OR14A2: variants seen among roughly 807,000 people sequenced by gnomAD.
OR14A2 encodes olfactory receptor family 14 subfamily A member 2, also known as olfactory receptor 14A2.
For missense variants in OR14A2, 237 were observed against 152.9 expected (o/e 1.55, Z -2.90); for synonymous variants, 114 against 58.6 (o/e 1.95, Z -4.32).
chr1:247,730,742 C>T, the OR14A2 span, among the ~76,000 whole-genome samples: 161 of 152,064 alleles, frequency 1.1e-3, no homozygotes, highest in Middle Eastern at 3.4e-3. Context: ...TATTTGAAGG[C>T]CTGGAAATGG....
the OR14A2 span, among the ~76,000 whole-genome samples, chr1:247,731,483 T>A: frequency 6.6e-6 from 1 of 152,102 alleles, no homozygotes. Flanking sequence ...CTGGTGTTTT[T>A]TAGCACCTTG....
At chr1:247,747,580 T>A in the OR14A2 span, among the ~76,000 whole-genome samples, 2 of 152,042 alleles carry the variant, frequency 1.3e-5, no homozygotes, top group Non-Finnish European at 2.9e-5. Context: ...GCCAGGATGG[T>A]CTCGATCTCC....
the OR14A2 span, among the ~76,000 whole-genome samples, chr1:247,747,654 G>T: frequency 2.6e-5 from 4 of 152,054 alleles, no homozygotes; most frequent in Admixed American, 2.0e-4. Flanking sequence ...GAGGCACCGC[G>T]CCCGGGCCTG....
the OR14A2 span, among the ~76,000 whole-genome samples, chr1:247,733,667 A>G: frequency 1.3e-5 from 2 of 152,148 alleles, no homozygotes; most frequent in African/African-American, 4.8e-5. Context: ...CTCAAAACCA[A>G]GAAGAACAAA....
At chr1:247,742,325 A>G in the OR14A2 span, among the ~76,000 whole-genome samples, 1 of 138,678 alleles carries the variant, frequency 7.2e-6, no homozygotes, top group South Asian at 2.2e-4. Flanking sequence ...ACCACTGTGG[A>G]ATGTAATCTG....
the OR14A2 span, among the ~76,000 whole-genome samples, chr1:247,745,162 G>A: frequency 2.0e-5 from 3 of 151,998 alleles, no homozygotes; most frequent in Non-Finnish European, 2.9e-5. Context: ...GTATATTGAA[G>A]TAATAAAATA....
upstream of OR14A2, among the ~76,000 whole-genome samples, chr1:247,725,321 T>G (rs1660312077): frequency 6.6e-6 from 1 of 151,972 alleles, no homozygotes; most frequent in Non-Finnish European, 1.5e-5. Flanking sequence ...AAGCAGTATA[T>G]AGTGAACTTG....
chr1:247,744,533 A>G, the OR14A2 span, among the ~76,000 whole-genome samples: 2 of 152,094 alleles, frequency 1.3e-5, no homozygotes, highest in Admixed American at 1.3e-4. This position sits in a 1 kb window ranked among gnomAD's most constrained non-coding sequence, Gnocchi z 4.3. Flanking sequence ...AATTTCTTCT[A>G]TTTGTGGGGG....
the OR14A2 span, among the ~76,000 whole-genome samples, chr1:247,740,201 G>T: frequency 1.3e-5 from 2 of 152,018 alleles, no homozygotes; most frequent in Non-Finnish European, 2.9e-5. Context: ...CTGCTTTATT[G>T]TCCTATCTTT....
the OR14A2 span, among the ~76,000 whole-genome samples, chr1:247,744,236 A>G: frequency 1.6e-4 from 24 of 152,340 alleles, no homozygotes; most frequent in East Asian, 4.4e-3. This position sits in a 1 kb window ranked among gnomAD's most constrained non-coding sequence, Gnocchi z 4.3. Context: ...CTCTTTTCAT[A>G]TAATTTATAT....
chr1:247,747,657 C>T, the OR14A2 span, among the ~76,000 whole-genome samples: 1 of 152,124 alleles, frequency 6.6e-6, no homozygotes, highest in Non-Finnish European at 1.5e-5. Context: ...GCACCGCGCC[C>T]GGGCCTGTTT....
chr1:247,742,283 C>A, the OR14A2 span, among the ~76,000 whole-genome samples: 1 of 138,634 alleles, frequency 7.2e-6, no homozygotes, highest in Non-Finnish European at 1.6e-5. Flanking sequence ...CACACACGCA[C>A]ACACACACAC....
chr1:247,725,676 C>A (rs1425233611), upstream of OR14A2, among the ~76,000 whole-genome samples: 833 of 101,962 alleles, frequency 8.2e-3, 12 homozygotes, highest in African/African-American at 0.03. Flanking sequence ...TGCTATCCCT[C>A]CCCCCTCCCC....
the OR14A2 span, chr1:247,738,802 A>G: frequency 2.6e-6 from 2 of 780,640 alleles, no homozygotes; most frequent in Non-Finnish European, 4.8e-6. Context: ...TTCCTCCGAC[A>G]TTTGTCCTTC....
At chr1:247,744,375 A>G in the OR14A2 span, among the ~76,000 whole-genome samples, 1 of 152,184 alleles carries the variant, frequency 6.6e-6, no homozygotes, top group South Asian at 2.1e-4. This position sits in a 1 kb window ranked among gnomAD's most constrained non-coding sequence, Gnocchi z 4.3. Context: ...AATCATTTGG[A>G]TCTTCAAATA....
chr1:247,746,059 A>C, the OR14A2 span: 1 of 152,216 alleles, frequency 6.6e-6, no homozygotes, highest in Non-Finnish European at 1.5e-5. Flanking sequence ...CTGTCTGGAC[A>C]AGATTGTGTA....
chr1:247,730,210 C>T, the OR14A2 span, among the ~76,000 whole-genome samples: 1 of 152,028 alleles, frequency 6.6e-6, no homozygotes, highest in Non-Finnish European at 1.5e-5. Context: ...ACGTAGTTTA[C>T]TTCTTCACAG....
the OR14A2 span, among the ~76,000 whole-genome samples, chr1:247,738,326 T>C: frequency 6.6e-6 from 1 of 152,154 alleles, no homozygotes. Flanking sequence ...CCAAAGGAAA[T>C]AAAATCACTC....
chr1:247,735,193 A>C, the OR14A2 span, among the ~76,000 whole-genome samples: 8 of 152,186 alleles, frequency 5.3e-5, no homozygotes, highest in African/African-American at 1.9e-4. Context: ...TGGAGGCTTA[A>C]ATCCAGAGTG....
Sources: gnomAD v4.1 joint callset for allele counts (sites outside exome capture counted in the v4.1 genomes callset) on GRCh38, gnomAD v4.1.1 for gene constraint, Gnocchi (gnomAD v3.1) non-coding constraint, MANE v1.5 for transcripts, NCBI Gene and HGNC (gene_info 2026-07-23, HGNC 2026-07-21) for gene names.